The following REV3L variants were observed in gnomAD, a reference collection of about 807,000 sequenced individuals.
REV3L encodes DNA polymerase zeta catalytic subunit.
In REV3L, 69 loss-of-function variants were observed where a neutral mutation model predicts 299.4. That is an observed-to-expected ratio of 0.23 (90% confidence interval 0.19 to 0.28). The LOEUF (loss-of-function observed/expected upper bound fraction) is 0.28, where lower values mean the gene tolerates loss of function less well. Among genes scored for constraint, REV3L ranks in the 10% least tolerant of loss-of-function variants. The pLI, the probability that REV3L is intolerant of heterozygous loss-of-function variation, is 1.00. For synonymous variants in REV3L, 1,238 were observed against 1,271.4 expected (o/e 0.97, Z 0.56); for missense variants, 3,128 against 3,693.8 (o/e 0.85, Z 3.97).
chr6:111,370,858 A>T (rs571637037), intron 13 of REV3L, among the ~76,000 whole-genome samples: 1 of 152,204 alleles, frequency 6.6e-6, no homozygotes, highest in East Asian at 1.9e-4. Context: ...CGATGAACCT[A>T]TGTTGACACA....
chr6:111,333,363 C>T lies in REV3L; in HGVS notation c.7685G>A (p.Arg2562His), dbSNP rs1775579751. 1.2e-6 allele frequency: 2 copies of T among 1,613,776 alleles called. No homozygotes were observed. The highest frequency in any genetic ancestry group is 1.7e-6 in the Non-Finnish European group (2 of 1,179,920). ...AATACGCAACATCATTGATTCCACA[C>T]GGTACTGCAGGGAGAAAGGGAGGTG... ...LHVLTRGSQYRVESMMLRIAK... is the reference protein window; with the variant it reads ...LHVLTRGSQYHVESMMLRIAK... Residue 2562 changes from arginine to histidine, a missense_variant, in exon 23 of 32, where the codon CGT (arginine) becomes CAT (histidine). Arg to His is a conservative substitution (Grantham distance 29). Around this residue, in one of 9 missense-constraint regions of REV3L, gnomAD observed 149 missense variants for 286.4 expected, o/e 0.52. Coordinates refer to ENST00000368802, the MANE Select transcript of REV3L (RefSeq NM_001372078.1).
chr6:111,303,701 C>CTTT lies in REV3L; in HGVS notation c.9253-3548_9253-3546dup, dbSNP rs58366929. Among the ~76,000 whole-genome samples, 26 of 12,644 alleles carry CTTT rather than the reference C, an allele frequency of 2.1e-3. 6 individuals carry two copies. Among genetic ancestry groups the CTTT allele is most frequent in the African/African-American group, 5.5e-3 (23 of 4,208 alleles). The allele number at this position is 12,644 out of a possible 152,430, so 8.3% of individuals were successfully genotyped here. On this transcript the variant is annotated intron_variant, in intron 31 of 31. Transcript: ENST00000368802. ...TTTTTTTTTTTTTAACAGACTATGA[C>CTTT]TTTTTTTTTTTTTTTTTTTTTTTTT...
chr6:111,370,136 T>G (rs541023207), intron 13 of REV3L, among the ~76,000 whole-genome samples: 8 of 152,158 alleles, frequency 5.3e-5, no homozygotes, highest in Non-Finnish European at 8.8e-5. Context: ...CGGCCTACAG[T>G]TTCATATTTC....
intron 17 of REV3L, among the ~76,000 whole-genome samples, 197 bp downstream of exon 17, chr6:111,358,625 C>T (rs1002785269): frequency 5.3e-5 from 8 of 152,148 alleles, no homozygotes; most frequent in African/African-American, 1.7e-4. Flanking sequence ...ACCACTGTGC[C>T]TGGCTGCTTC....
intron 1 of REV3L, among the ~76,000 whole-genome samples, chr6:111,447,108 T>C (rs1007347097): frequency 6.6e-6 from 1 of 152,194 alleles, no homozygotes; most frequent in Admixed American, 6.5e-5. Flanking sequence ...TCCCAAAATA[T>C]ATCAGTCTTT....
intron 4 of REV3L, among the ~76,000 whole-genome samples, chr6:111,401,057 T>G (rs761658733): frequency 1.7e-4 from 26 of 149,972 alleles, no homozygotes; most frequent in Non-Finnish European, 3.5e-4. Context: ...TATGGGCCAA[T>G]TATGGATTAT....
rs745852613 is a variant in REV3L, at chr6:111,372,600, G to T, written c.5755C>A (p.Pro1919Thr). 5.2e-5 allele frequency: 77 copies of T among 1,478,180 alleles called. No individual in the cohort carries two copies. Among genetic ancestry groups the T allele is most frequent in the Non-Finnish European group, 6.9e-5 (77 of 1,114,830 alleles). 91.6% of individuals were successfully genotyped at this position (1,478,180 alleles called of 1,614,324 possible). A position where few individuals can be genotyped will look rare whatever the true frequency, so the allele number is the denominator to read the frequency against. Residue 1919 changes from proline (P) to threonine (T), a missense_variant, in exon 13 of 32, where the codon CCC becomes ACC. Around this residue, in one of 9 missense-constraint regions of REV3L, gnomAD observed 2,409 missense variants for 2,611.8 expected, o/e 0.92. Transcript: ENST00000368802. ...AGGGAAAAAATAACTGATTACCTGG[G>T]CTTTTCTGGTACATCAGAAGGATTA... The part of the protein sequence containing the change: ...CSNPSDVPEK[P>T]REIGGRLLMV...
intron 1 of REV3L, among the ~76,000 whole-genome samples, chr6:111,459,270 CA>C (rs1790490990): frequency 6.6e-6 from 1 of 152,084 alleles, no homozygotes; most frequent in Non-Finnish European, 1.5e-5. Context: ...TCACCATATA[CA>C]AAAATTAACT....
chr6:111,416,255 A>C (rs748088939), intron 2 of REV3L, 28 bp downstream of exon 2: 1 of 1,451,926 alleles, frequency 6.9e-7, no homozygotes, highest in Non-Finnish European at 9.3e-7. Context: ...ATAAACAGAA[A>C]TTATAAAATA....
At chr6:111,367,039 C>T (rs1779296206) in intron 14 of REV3L, 76 bp downstream of exon 14, 6 of 1,232,634 alleles carry the variant, frequency 4.9e-6, no homozygotes, top group Non-Finnish European at 6.6e-6. Context: ...CTCTGATTTT[C>T]ATTACAGTCT....
chr6:111,307,469 T>G lies in REV3L; in HGVS notation c.9144A>C (p.Leu3048=), dbSNP rs755378677. 1 of 1,614,162 alleles carries G rather than the reference T, an allele frequency of 6.2e-7. No homozygotes were observed. Among genetic ancestry groups the G allele is most frequent in the South Asian group, 1.1e-5 (1 of 91,082 alleles). The part of the protein sequence containing the change: ...TTLHCPVCDD[L]TQHGICSKCR... ...ATTTACTACAGATGCCATGCTGAGT[T>G]AGGTCATCACACACAGGACAGTGTA... is the stretch of plus-strand genomic sequence containing the variant. Residue 3048 remains leucine, a synonymous_variant, in exon 31 of 32, where the codon CTA becomes CTC. Transcript: ENST00000368802.
Position 111,367,338 on chromosome 6 carries a change from C to T in REV3L, c.6450G>A (p.Glu2150=). 6.2e-7 allele frequency: 1 copy of T among 1,607,658 alleles called. No individual in the cohort carries two copies. Among genetic ancestry groups the T allele is most frequent in the Non-Finnish European group, 8.5e-7 (1 of 1,177,584 alleles). ...TCTCAAAAGCCAATGAAGGCAGCTC[C>T]TCTACTGGTGATGAGGGTCTATCAT... The part of the protein sequence containing the change: ...NGDDRPSSPV[E]ELPSLAFENF... Residue 2150 remains glutamate (E), a synonymous_variant, in exon 14 of 32, where the codon GAG becomes GAA. Transcript: ENST00000368802.
intron 1 of REV3L, among the ~76,000 whole-genome samples, chr6:111,469,687 A>G (rs1340371643): frequency 1.3e-5 from 2 of 152,204 alleles, no homozygotes; most frequent in African/African-American, 2.4e-5. Context: ...CATGGCCCCC[A>G]TCACCCAAGC....
rs149299340 is a variant in REV3L, at chr6:111,428,616, T to C, written c.140-12144A>G. 3.7e-3 allele frequency among the ~76,000 whole-genome samples: 556 copies of C among 151,704 alleles called. 3 individuals are homozygous for C. The highest frequency in any genetic ancestry group is 0.013 in the African/African-American group (536 of 41,342). On this transcript the variant is annotated intron_variant, in intron 1 of 31. Coordinates refer to ENST00000368802, the MANE Select transcript of REV3L (RefSeq NM_001372078.1). The stretch of plus-strand genomic sequence containing the variant: ...TCATTAAAGTCTCTCAATAGCAGGA[T>C]ATATGAAACAAAAAAAAGTCAGTGA...
At chr6:111,430,412 A>G in intron 1 of REV3L, 1 of 1,433,122 alleles carries the variant, frequency 7.0e-7, no homozygotes, top group Non-Finnish European at 9.8e-7. Flanking sequence ...TAGAAAAACT[A>G]AAGGATATTT....
intron 1 of REV3L, among the ~76,000 whole-genome samples, chr6:111,445,927 G>A (rs1376110616): frequency 6.6e-6 from 1 of 152,208 alleles, no homozygotes; most frequent in Non-Finnish European, 1.5e-5. Flanking sequence ...AAGCATATGA[G>A]TGGGGCTGAA....
intron 18 of REV3L, among the ~76,000 whole-genome samples, chr6:111,354,812 T>C (rs1421716608): frequency 2.0e-5 from 3 of 152,078 alleles, no homozygotes; most frequent in East Asian, 1.9e-4. Context: ...GCAGAAGAAA[T>C]AGGTAAATGG....
rs140935845 is a variant in REV3L at position 111,389,388 on chromosome 6, T to C, written c.758-178A>G. Among the ~76,000 whole-genome samples, 190 of 152,360 alleles carry C rather than the reference T, an allele frequency of 1.2e-3. 1 individual carries two copies. Among genetic ancestry groups the C allele is most frequent in the African/African-American group, 4.4e-3 (185 of 41,588 alleles). On this transcript the variant is annotated intron_variant, in intron 6 of 31. Transcript: ENST00000368802. ...GTTACTCCTTTTTTAGTTTTCTTCCTAGTGGTTCCCCAAAATCCAGCAAGT... is the reference window on the plus strand; with the variant it reads ...GTTACTCCTTTTTTAGTTTTCTTCCCAGTGGTTCCCCAAAATCCAGCAAGT...
rs373370635 is a variant in REV3L at position 111,342,291 on chromosome 6, G to C, written c.7538+1634C>G. On this transcript the variant is annotated intron_variant, in intron 21 of 31. Coordinates refer to ENST00000368802, the MANE Select transcript of REV3L (RefSeq NM_001372078.1). ...AGGGGGAGGGTCAGGAAGCTTACTT[G>C]GGCCCAGGACCTGCCAGTGGTACAA... 1.3e-3 allele frequency among the ~76,000 whole-genome samples: 200 copies of C among 152,260 alleles called. 2 individuals carry two copies. The South Asian group carries it at 0.027, about 21-fold the overall frequency.
Sources: gnomAD v4.1 joint callset for allele counts (sites outside exome capture counted in the v4.1 genomes callset) on GRCh38, gnomAD v4.1.1 for gene constraint, gnomAD v4.1.1 regional missense constraint, MANE v1.5 for transcripts, NCBI Gene and HGNC (gene_info 2026-07-23, HGNC 2026-07-21) for gene names.